Variants in LRRC27 observed in about 807,000 individuals in gnomAD.
LRRC27 encodes leucine-rich repeat-containing protein 27.
In LRRC27, 57 loss-of-function variants were observed where a neutral mutation model predicts 55.0. The ratio of observed to expected loss-of-function variants is 1.04; its 90% CI spans 0.84 to 1.29. The LOEUF (loss-of-function observed/expected upper bound fraction) is 1.29, where lower values mean the gene tolerates loss of function less well. Among genes scored for constraint, LRRC27 ranks in the 50% most tolerant of loss-of-function variants. The probability of loss-of-function intolerance (pLI) is 0.00; values close to 1 mark genes in which losing one functional copy is unlikely to be tolerated. For missense variants in LRRC27, 721 were observed against 651.5 expected, an observed-to-expected ratio of 1.11 and a Z score of -1.16; for synonymous variants, 278 against 251.9, an observed-to-expected ratio of 1.10 and a Z score of -0.98.
intron 3 of LRRC27, among the ~76,000 whole-genome samples, chr10:132,338,788 C>A (rs1365970110): frequency 6.7e-6 from 1 of 150,302 alleles, no homozygotes; most frequent in Non-Finnish European, 1.5e-5. Context: ...CGGCTCACTG[C>A]AACCTCTACC....
chr10:132,362,198 G>A (rs1339903759), intron 9 of LRRC27, among the ~76,000 whole-genome samples: 1 of 152,136 alleles, frequency 6.6e-6, no homozygotes, highest in Non-Finnish European at 1.5e-5. Flanking sequence ...GCCAGGGGGC[G>A]GCCAGGCTGC....
chr10:132,367,472 G>A (rs768426959), intron 10 of LRRC27, among the ~76,000 whole-genome samples: 2 of 152,120 alleles, frequency 1.3e-5, no homozygotes, highest in African/African-American at 2.4e-5. Context: ...GACCAATATC[G>A]CTCATGAATG....
At chr10:132,343,005 T>C (rs188686435) in intron 4 of LRRC27, among the ~76,000 whole-genome samples, 159 of 152,292 alleles carry the variant, frequency 1.0e-3, no homozygotes, top group African/African-American at 3.7e-3. Flanking sequence ...ATAAAACTCA[T>C]TAGTTTAAAA....
chr10:132,333,799 C>A (rs1216809202), intron 2 of LRRC27, 65 bp downstream of exon 2: 4 of 1,213,466 alleles, frequency 3.3e-6, no homozygotes. Flanking sequence ...TGGGAATGTA[C>A]CCCTGGGCTT....
rs1349767023 is a variant in LRRC27 at position 132,355,798 on chromosome 10, G to C, written c.1082G>C (p.Arg361Thr). 1 of 1,552,638 alleles carries C rather than the reference G, an allele frequency of 6.4e-7. No individual in the cohort carries two copies. Among genetic ancestry groups the C allele is most frequent in the Non-Finnish European group, 8.7e-7 (1 of 1,147,364 alleles). The change falls in exon 8 of 11, where the codon AGG (arginine) becomes ACG (threonine). Residue 361 changes from arginine to threonine, a missense_variant. Physicochemically the swap from Arg to Thr is moderately conservative, Grantham distance 71. Coordinates refer to ENST00000368614, the MANE Select transcript of LRRC27 (RefSeq NM_030626.3). ...ACCTTCCCTTTCTCCAGAGAGAAAA[G>C]GGCACTGCAGGAGTGGAGAGAGCGA... Reference protein sequence around the residue: ...ALMEQQRREKRALQEWRERAQ... With the variant: ...ALMEQQRREKTALQEWRERAQ...
At position 132,337,345 on chromosome 10, in the gene LRRC27, C is replaced by T. The variant is rs1476731443; in HGVS notation, c.211-220C>T. On this transcript the variant is annotated intron_variant, in intron 2 of 10. Coordinates refer to ENST00000368614, the MANE Select transcript of LRRC27 (RefSeq NM_030626.3). Reference sequence around the variant, plus strand: ...TGCCGGCTCTTCAGGAAGTCAGTTCCGGCTCCAAAGGCCGCCGGAAGGAGT... The same window carrying T: ...TGCCGGCTCTTCAGGAAGTCAGTTCTGGCTCCAAAGGCCGCCGGAAGGAGT... The T allele has an allele frequency of 3.9e-5, 52 of 1,341,228 alleles. No individual in the cohort carries two copies. In the South Asian group the frequency reaches 4.6e-4, roughly 12 times the overall value. The allele number at this position is 1,341,228 out of a possible 1,614,324, so 83.1% of individuals were successfully genotyped here.
In LRRC27 at chr10:132,374,981, C is replaced by G; in HGVS notation, c.1417-85C>G. ...TGCTGACGCCCACATGGCCTGGGCCCCACGTGGAATCTGAGCCAGAGACGT... is the reference window on the plus strand; with the variant it reads ...TGCTGACGCCCACATGGCCTGGGCCGCACGTGGAATCTGAGCCAGAGACGT... On this transcript the variant is annotated intron_variant, in intron 10 of 10. Transcript: ENST00000368614. The surrounding 1 kb of genome is among the most constrained non-coding windows in gnomAD (Gnocchi z 4.4). The G allele has an allele frequency of 7.1e-7, 1 of 1,413,868 alleles. No individual in the cohort carries two copies. Among genetic ancestry groups the G allele is most frequent in the Non-Finnish European group, 9.7e-7 (1 of 1,034,062 alleles). 87.6% of individuals were successfully genotyped at this position (1,413,868 alleles called of 1,614,324 possible). A position where few individuals can be genotyped will look rare whatever the true frequency, so the allele number is the denominator to read the frequency against.
upstream of LRRC27, chr10:132,331,448 C>A (rs770926950): frequency 6.2e-7 from 1 of 1,610,570 alleles, no homozygotes; most frequent in South Asian, 1.1e-5. Flanking sequence ...CGTTTCCTCG[C>A]CCCCCTCACT....
At chr10:132,365,813 T>A (rs913098514) in intron 10 of LRRC27, among the ~76,000 whole-genome samples, 1 of 152,198 alleles carries the variant, frequency 6.6e-6, no homozygotes, top group East Asian at 1.9e-4. Context: ...TGGCCAGCCT[T>A]GTCTCGAACT....
chr10:132,365,002 A>G (rs1418570750), intron 9 of LRRC27, among the ~76,000 whole-genome samples: 4 of 152,258 alleles, frequency 2.6e-5, no homozygotes, highest in Admixed American at 2.6e-4. Flanking sequence ...ATATGTTTAA[A>G]ATCATAATTG....
At chr10:132,331,200 CAAAAAA>C (rs35734065), upstream of LRRC27, among the ~76,000 whole-genome samples, 3 of 56,304 alleles carry the variant, frequency 5.3e-5, no homozygotes, top group Non-Finnish European at 9.7e-5. Context: ...GACTCCACCT[CAAAAAA>C]AAAAAAAAAA....
intron 1 of LRRC27, among the ~76,000 whole-genome samples, chr10:132,333,005 G>T (rs1349168751): frequency 6.6e-6 from 1 of 152,212 alleles, no homozygotes; most frequent in Admixed American, 6.5e-5. Flanking sequence ...GTGTAAGCCA[G>T]ACTTAGTTCT....
chr10:132,349,251 T>A (rs961912917), intron 6 of LRRC27, among the ~76,000 whole-genome samples: 3 of 152,114 alleles, frequency 2.0e-5, no homozygotes, highest in African/African-American at 7.2e-5. Flanking sequence ...GCCGCAGTGG[T>A]CTGTGGTCCC....
chr10:132,378,363 C>T lies in LRRC27; in HGVS notation c.*3121C>T, dbSNP rs72863837. On this transcript the variant is annotated 3_prime_UTR_variant, in exon 11 of 11. Coordinates refer to ENST00000368614, the MANE Select transcript of LRRC27 (RefSeq NM_030626.3). ...TACAGAACTCAAATCTGGGAGTTAG[C>T]ATCTTTCATCAGTTTTGGAAAATTC... is the stretch of plus-strand genomic sequence containing the variant. 0.15 allele frequency: 22,050 copies of T among 150,862 alleles called. 2,137 individuals carry two copies. The highest frequency in any genetic ancestry group is 0.23 in the Middle Eastern group (66 of 288). The allele number at this position is 150,862 out of a possible 1,614,324, so 9.3% of individuals were successfully genotyped here.
chr10:132,362,094 C>A (rs1319562456), intron 9 of LRRC27, among the ~76,000 whole-genome samples: 1 of 152,206 alleles, frequency 6.6e-6, no homozygotes, highest in African/African-American at 2.4e-5. Flanking sequence ...GTGAAGGGGA[C>A]TCAGGCAAAG....
chr10:132,368,146 G>GTATACAAAATC (rs1213221026), intron 10 of LRRC27, among the ~76,000 whole-genome samples: 1 of 152,120 alleles, frequency 6.6e-6, no homozygotes, highest in African/African-American at 2.4e-5. Flanking sequence ...CTAACAAAAT[G>GTATACAAAATC]TATACAAAAT....
At chr10:132,341,699 T>C (rs915655942) in intron 3 of LRRC27, among the ~76,000 whole-genome samples, 1 of 152,176 alleles carries the variant, frequency 6.6e-6, no homozygotes, top group African/African-American at 2.4e-5. Context: ...TACTGTGCGG[T>C]GGAAGTCTCT....
At chr10:132,336,279 C>T (rs972700551) in intron 2 of LRRC27, among the ~76,000 whole-genome samples, 2 of 152,188 alleles carry the variant, frequency 1.3e-5, no homozygotes, top group Non-Finnish European at 2.9e-5. Flanking sequence ...AGAAAGGCAG[C>T]ACGTGGAGGC....
chr10:132,347,882 G>A, intron 5 of LRRC27, 102 bp from the exon 6 acceptor site: 1 of 1,423,356 alleles, frequency 7.0e-7, no homozygotes, highest in Non-Finnish European at 9.5e-7. Flanking sequence ...GGAGGATCTG[G>A]GCACCCCACC....
Sources: gnomAD v4.1 joint callset for allele counts (sites outside exome capture counted in the v4.1 genomes callset) on GRCh38, gnomAD v4.1.1 for gene constraint, Gnocchi (gnomAD v3.1) non-coding constraint, MANE v1.5 for transcripts, NCBI Gene and HGNC (gene_info 2026-07-23, HGNC 2026-07-21) for gene names.